The following VAV3 variants were observed in gnomAD, a reference collection of about 807,000 sequenced individuals.
VAV3 encodes guanine nucleotide exchange factor VAV3.
A neutral mutation model predicts 131.2 loss-of-function variants in VAV3; 94 were observed. That is an observed-to-expected ratio of 0.72 (90% CI 0.61 to 0.85). VAV3 has a LOEUF of 0.85. Among genes scored for constraint, VAV3 ranks in the 40% least tolerant of loss-of-function variants. VAV3 has a pLI of 0.00. For missense variants in VAV3, 939 were observed against 1,002.7 expected (o/e 0.94, Z 0.86); for synonymous variants, 349 against 342.0 (o/e 1.02, Z -0.22).
chr1:107,590,197 C>T (rs1206323355), intron 25 of VAV3, among the ~76,000 whole-genome samples: 1 of 140,440 alleles, frequency 7.1e-6, no homozygotes, highest in Non-Finnish European at 1.6e-5. Flanking sequence ...CACTATTTGT[C>T]ACCACACTGA....
intron 21 of VAV3, among the ~76,000 whole-genome samples, chr1:107,612,241 G>A (rs1371655184): frequency 2.0e-5 from 3 of 151,328 alleles, no homozygotes; most frequent in Non-Finnish European, 4.4e-5. Context: ...TCTTCCTGAA[G>A]TATACCTTAT....
intron 20 of VAV3, among the ~76,000 whole-genome samples, chr1:107,625,624 T>G (rs562243664): frequency 4.9e-4 from 75 of 152,338 alleles, no homozygotes; most frequent in African/African-American, 1.8e-3. Context: ...AGCTTCTTAG[T>G]GACGTTTTTA....
chr1:107,673,249 C>T (rs931666283), intron 19 of VAV3, among the ~76,000 whole-genome samples: 1 of 152,176 alleles, frequency 6.6e-6, no homozygotes, highest in Non-Finnish European at 1.5e-5. Context: ...CATGTCACTC[C>T]TCTGGATAAA....
At chr1:107,675,529 A>G (rs1414249205) in intron 19 of VAV3, among the ~76,000 whole-genome samples, 1 of 152,202 alleles carries the variant, frequency 6.6e-6, no homozygotes, top group East Asian at 1.9e-4. Flanking sequence ...TGTTTAATAC[A>G]GATAAAATTT....
chr1:107,875,052 A>G (rs1670430759), intron 1 of VAV3, 35 bp from the exon 2 acceptor site: 2 of 1,515,968 alleles, frequency 1.3e-6, no homozygotes, highest in African/African-American at 2.7e-5. Flanking sequence ...GCATAAAGTT[A>G]ATTATTCTGA....
At chr1:107,884,924 T>G (rs1419045718) in intron 1 of VAV3, among the ~76,000 whole-genome samples, 1 of 152,138 alleles carries the variant, frequency 6.6e-6, no homozygotes, top group East Asian at 1.9e-4. Context: ...GATTTTGGTA[T>G]CAATGGAAAT....
chr1:107,627,799 G>A (rs1018207106), intron 20 of VAV3, among the ~76,000 whole-genome samples: 2 of 152,090 alleles, frequency 1.3e-5, no homozygotes, highest in African/African-American at 4.8e-5. Flanking sequence ...TACTTTAATG[G>A]TCTTTCAAAT....
Position 107,602,502 on chromosome 1 carries a change from C to G in VAV3, c.2133-18G>C, listed in dbSNP as rs1240300260. 3 of 1,537,820 alleles carry G rather than the reference C, an allele frequency of 2.0e-6. No individual in the cohort carries two copies. The highest frequency in any genetic ancestry group is 2.6e-6 in the Non-Finnish European group (3 of 1,145,560). ...TATTGTACCTGTGGGCAATGAATAA[C>G]TTATGAATATAAATGTGTTTTTAAT... On this transcript the variant is annotated intron_variant, in intron 23 of 26. Coordinates refer to ENST00000370056, the MANE Select transcript of VAV3 (RefSeq NM_006113.5).
intron 15 of VAV3, among the ~76,000 whole-genome samples, chr1:107,738,542 C>T (rs1474182657): frequency 6.6e-6 from 1 of 152,138 alleles, no homozygotes; most frequent in Non-Finnish European, 1.5e-5. Context: ...CCCCAACTAG[C>T]CTGCTATTGT....
At chr1:107,720,794 A>C (rs546739863) in intron 15 of VAV3, among the ~76,000 whole-genome samples, 1 of 152,342 alleles carries the variant, frequency 6.6e-6, no homozygotes, top group South Asian at 2.1e-4. Flanking sequence ...GCCCACATAC[A>C]TCAACAATTT....
chr1:107,662,828 T>A (rs532048079), intron 19 of VAV3, among the ~76,000 whole-genome samples: 1 of 152,284 alleles, frequency 6.6e-6, no homozygotes, highest in South Asian at 2.1e-4. Flanking sequence ...GGTAACCTTA[T>A]CCAACTCCAG....
chr1:107,749,137 A>G (rs1663543966), intron 14 of VAV3, 60 bp from the exon 15 acceptor site: 4 of 1,229,968 alleles, frequency 3.3e-6, no homozygotes, highest in Non-Finnish European at 4.6e-6. Context: ...TTCTAAATTC[A>G]CAAGAATACC....
rs345269 is a variant in VAV3, at chr1:107,965,014, G to A, written c.-145C>T. On this transcript the variant is annotated 5_prime_UTR_variant, in exon 1 of 27. Transcript: ENST00000370056. ...GCGGGATCGAGGGAGCAGGAGCCGCGGCTGACGGGTCGCGGGCGCCGCGCT... is the reference window on the plus strand; with the variant it reads ...GCGGGATCGAGGGAGCAGGAGCCGCAGCTGACGGGTCGCGGGCGCCGCGCT... 405,927 of 589,190 alleles carry A rather than the reference G, an allele frequency of 0.69. 144,048 individuals are homozygous for A. The highest frequency in any genetic ancestry group is 0.74 in the Admixed American group (13,229 of 17,806). The allele number at this position is 589,190 out of a possible 1,614,324, so 36.5% of individuals were successfully genotyped here.
intron 1 of VAV3, among the ~76,000 whole-genome samples, chr1:107,905,657 C>T (rs1295169153): frequency 1.3e-5 from 2 of 152,124 alleles, no homozygotes; most frequent in African/African-American, 2.4e-5. Context: ...TTATATAGCA[C>T]ATTGATTTTT....
intron 2 of VAV3, among the ~76,000 whole-genome samples, chr1:107,792,000 T>C (rs4244133): frequency 0.76 from 115,638 of 152,146 alleles, 44,219 homozygotes; most frequent in Non-Finnish European, 0.81. Context: ...AAGCAGGCAA[T>C]GCTGCCAGCA....
chr1:107,795,689 A>C (rs1036041008), intron 2 of VAV3, among the ~76,000 whole-genome samples: 4 of 152,252 alleles, frequency 2.6e-5, no homozygotes, highest in African/African-American at 9.6e-5. Flanking sequence ...TCAAACATTT[A>C]TATCCAGTTA....
chr1:107,803,432 T>C (rs1454529584), intron 2 of VAV3, among the ~76,000 whole-genome samples: 2 of 152,062 alleles, frequency 1.3e-5, no homozygotes, highest in African/African-American at 4.8e-5. Flanking sequence ...ATCCCACAGA[T>C]TTTGGTATGT....
intron 17 of VAV3, among the ~76,000 whole-genome samples, chr1:107,690,523 G>C (rs571113841): frequency 6.6e-6 from 1 of 152,166 alleles, no homozygotes; most frequent in South Asian, 2.1e-4. Flanking sequence ...CGGCACTGAT[G>C]AGACTGGTAC....
intron 2 of VAV3, among the ~76,000 whole-genome samples, chr1:107,779,968 T>C (rs1023132679): frequency 1.3e-5 from 2 of 152,202 alleles, no homozygotes; most frequent in African/African-American, 4.8e-5. Flanking sequence ...GTGGCCACTG[T>C]AATGAACTAC....
Sources: gnomAD v4.1 joint callset for allele counts (sites outside exome capture counted in the v4.1 genomes callset) on GRCh38, gnomAD v4.1.1 for gene constraint, MANE v1.5 for transcripts, NCBI Gene and HGNC (gene_info 2026-07-23, HGNC 2026-07-21) for gene names.